The following MAPRE2 variants were observed in gnomAD, a reference collection of about 807,000 sequenced individuals.
MAPRE2 encodes microtubule associated protein RP/EB family member 2, also known as microtubule-associated protein RP/EB family member 2.
In MAPRE2, 13 loss-of-function variants were observed where a neutral mutation model predicts 43.2. The ratio of observed to expected loss-of-function variants is 0.30; its 90% CI spans 0.20 to 0.48. The LOEUF (loss-of-function observed/expected upper bound fraction) is 0.48. Among genes scored for constraint, MAPRE2 ranks in the 20% least tolerant of loss-of-function variants. The pLI is 0.99. For missense variants in MAPRE2, 161 were observed against 400.2 expected, an observed-to-expected ratio of 0.40 and a Z score of 5.10; for synonymous variants, 135 against 148.8, an observed-to-expected ratio of 0.91 and a Z score of 0.68.
chr18:34,985,311 T>A lies in MAPRE2; in HGVS notation c.-70+8232T>A, dbSNP rs1438891637. Among the ~76,000 whole-genome samples the A allele has an allele frequency of 8.6e-4, 34 of 39,554 alleles. 1 individual carries two copies. The highest frequency in any genetic ancestry group is 3.8e-3 in the African/African-American group (33 of 8,644). 25.9% of individuals were successfully genotyped at this position (39,554 alleles called of 152,430 possible). A position where few individuals can be genotyped will look rare whatever the true frequency, so the allele number is the denominator to read the frequency against. ...TATATTATATTATATATTGTATATATTATATTATATATATAATATAATATA... is the reference window on the plus strand; with the variant it reads ...TATATTATATTATATATTGTATATAATATATTATATATATAATATAATATA... On this transcript the variant is annotated intron_variant, in intron 1 of 7. Coordinates refer to the MAPRE2 transcript ENST00000413393.
intron 2 of MAPRE2, among the ~76,000 whole-genome samples, chr18:35,096,601 C>T (rs1205891815): frequency 6.6e-6 from 1 of 151,478 alleles, no homozygotes; most frequent in Non-Finnish European, 1.5e-5. Flanking sequence ...CTCTGAACTT[C>T]TATAGCTTTC....
At chr18:35,095,496 C>T (rs1054955587) in intron 2 of MAPRE2, among the ~76,000 whole-genome samples, 1 of 148,482 alleles carries the variant, frequency 6.7e-6, no homozygotes. Context: ...ATGATTTTTC[C>T]TTCCTTCCCT....
In MAPRE2 at chr18:35,041,431, C is replaced by A; in HGVS notation, c.-109C>A. On this transcript the variant is annotated 5_prime_UTR_variant, in exon 1 of 7. Coordinates refer to ENST00000300249, the MANE Select transcript of MAPRE2 (RefSeq NM_014268.4). ...GAGCTGGGAGAAGGCAGTGAGCGAG[C>A]AGGCGGCAGGCACGGTCCGTGCGGA... 2 of 1,574,830 alleles carry A rather than the reference C, an allele frequency of 1.3e-6. No individual in the cohort carries two copies. Among genetic ancestry groups the A allele is most frequent in the South Asian group, 1.1e-5 (1 of 88,020 alleles).
chr18:35,132,264 C>T (rs1910190158), intron 6 of MAPRE2, 74 bp downstream of exon 6: 6 of 1,372,402 alleles, frequency 4.4e-6, no homozygotes, highest in Non-Finnish European at 6.1e-6. Flanking sequence ...ATCAGCACTC[C>T]TTAGAATACT....
intron 2 of MAPRE2, among the ~76,000 whole-genome samples, chr18:35,006,327 C>G (rs1433240737): frequency 6.6e-6 from 1 of 152,052 alleles, no homozygotes; most frequent in African/African-American, 2.4e-5. Flanking sequence ...TCCACAGCAT[C>G]AAACATTTTT....
At chr18:35,138,215 G>A (rs889719989) in intron 6 of MAPRE2, among the ~76,000 whole-genome samples, 1 of 152,166 alleles carries the variant, frequency 6.6e-6, no homozygotes, top group African/African-American at 2.4e-5. Context: ...CAGAAGGGGA[G>A]TAAAGAGGGG....
intron 1 of MAPRE2, among the ~76,000 whole-genome samples, chr18:35,003,497 A>T (rs1253411835): frequency 6.6e-6 from 1 of 152,246 alleles, no homozygotes; most frequent in Non-Finnish European, 1.5e-5. Context: ...TGACTGGTGC[A>T]TAAGGTGTTC....
chr18:35,125,981 C>T (rs1310516914), intron 4 of MAPRE2, among the ~76,000 whole-genome samples: 1 of 152,204 alleles, frequency 6.6e-6, no homozygotes. Flanking sequence ...CTAAAGTTTA[C>T]GTGTCCAATG....
chr18:35,139,902 G>C (rs766591371), intron 6 of MAPRE2, among the ~76,000 whole-genome samples: 1 of 152,236 alleles, frequency 6.6e-6, no homozygotes, highest in Non-Finnish European at 1.5e-5. Flanking sequence ...ATGGAGGCCA[G>C]GGGTGCTGCT....
chr18:35,054,670 A>G (rs7228414), intron 1 of MAPRE2, among the ~76,000 whole-genome samples: 108,406 of 152,050 alleles, frequency 0.71, 39,238 homozygotes, highest in East Asian at 0.84. Flanking sequence ...TACGATGGCC[A>G]AGGATGTGTG....
chr18:35,062,274 GTATT>G (rs1314427605), intron 1 of MAPRE2, among the ~76,000 whole-genome samples: 2 of 152,210 alleles, frequency 1.3e-5, no homozygotes, highest in Non-Finnish European at 2.9e-5. Flanking sequence ...CTTTGGCTAA[GTATT>G]TAATCTGTGG....
At chr18:35,013,509 T>TG (rs2097036160) in intron 2 of MAPRE2, among the ~76,000 whole-genome samples, 1 of 152,208 alleles carries the variant, frequency 6.6e-6, no homozygotes, top group Non-Finnish European at 1.5e-5. Flanking sequence ...ATATTTATAA[T>TG]TTCTTTCTGT....
In MAPRE2 at chr18:35,073,270, AG is replaced by A. The variant is rs749528101; in HGVS notation, c.250+2950del. On this transcript the variant is annotated intron_variant, in intron 2 of 6. Transcript: ENST00000300249. The stretch of plus-strand genomic sequence containing the variant: ...GTGACTTTTGTCTTTAGCATTTAGC[AG>A]GAAGAAGCTATCTTTCTATTTATTT... Among the ~76,000 whole-genome samples, 175 of 152,324 alleles carry A rather than the reference AG, an allele frequency of 1.1e-3. 1 individual carries two copies. Among genetic ancestry groups the A allele is most frequent in the Admixed American group, 2.1e-3 (32 of 15,304 alleles).
intron 1 of MAPRE2, among the ~76,000 whole-genome samples, chr18:35,063,256 A>G (rs1487335646): frequency 1.3e-5 from 2 of 151,784 alleles, no homozygotes; most frequent in African/African-American, 4.8e-5. Flanking sequence ...GGCGCACACC[A>G]CCACGCCTGG....
intron 2 of MAPRE2, among the ~76,000 whole-genome samples, chr18:35,093,211 CAAAAAAA>C (rs56833433): frequency 1.5e-3 from 78 of 52,268 alleles, no homozygotes; most frequent in South Asian, 4.6e-3. Flanking sequence ...GACCCTGTCT[CAAAAAAA>C]AAAAAAAAAA....
Position 34,985,541 on chromosome 18 carries a change from T to TAATATATATATTATATATTATAAATATAA in MAPRE2, c.-70+8463_-70+8491dup, listed in dbSNP as rs1568962080. Among the ~76,000 whole-genome samples the TAATATATATATTATATATTATAAATATAA allele has an allele frequency of 4.0e-3, 259 of 64,436 alleles. 16 individuals are homozygous for TAATATATATATTATATATTATAAATATAA. Among genetic ancestry groups the TAATATATATATTATATATTATAAATATAA allele is most frequent in the African/African-American group, 0.017 (249 of 15,022 alleles). The allele number at this position is 64,436 out of a possible 152,430, so 42.3% of individuals were successfully genotyped here. A position where few individuals can be genotyped will look rare whatever the true frequency, so the allele number is the denominator to read the frequency against. ...TATTATATATTATAAATATAATATA[T>TAATATATATATTATATATTATAAATATAA]AATATATATATTATATATTATAAAT... On this transcript the variant is annotated intron_variant, in intron 1 of 7. Transcript: ENST00000413393.
chr18:35,070,590 C>A (rs1907065973), intron 2 of MAPRE2: 5 of 232,734 alleles, frequency 2.1e-5, no homozygotes. Context: ...TGGCTCCTAG[C>A]CTCTTCTCTG....
intron 1 of MAPRE2, among the ~76,000 whole-genome samples, chr18:35,046,955 C>T (rs544681741): frequency 6.6e-6 from 1 of 152,264 alleles, no homozygotes; most frequent in East Asian, 1.9e-4. Flanking sequence ...CTGATCTTCC[C>T]AAACAATGAA....
In MAPRE2 at chr18:34,978,252, G is replaced by T. The variant is rs531171387; in HGVS notation, c.-70+1173G>T. Reference sequence around the variant, plus strand: ...AACAAAAGGAAAATAGTGTAGACCCGCTAGGCAGGAAGAGGTCACTAAAAA... The same window carrying T: ...AACAAAAGGAAAATAGTGTAGACCCTCTAGGCAGGAAGAGGTCACTAAAAA... On this transcript the variant is annotated intron_variant, in intron 1 of 7. Transcript: ENST00000413393. 2.2e-4 allele frequency: 118 copies of T among 545,932 alleles called. No individual in the cohort carries two copies. The East Asian group carries it at 3.7e-3, about 17-fold the overall frequency. 33.8% of individuals were successfully genotyped at this position (545,932 alleles called of 1,614,324 possible).
Sources: gnomAD v4.1 joint callset for allele counts (sites outside exome capture counted in the v4.1 genomes callset) on GRCh38, gnomAD v4.1.1 for gene constraint, MANE v1.5 for transcripts, NCBI Gene and HGNC (gene_info 2026-07-23, HGNC 2026-07-21) for gene names.